The following CFAP54 variants were observed in gnomAD, a reference collection of about 807,000 sequenced individuals.
CFAP54 encodes the protein cilia and flagella associated protein 54.
In CFAP54, 290 loss-of-function variants were observed where a neutral mutation model predicts 370.4. The observed-to-expected ratio is 0.78, with a 90% CI of 0.71 to 0.86. The LOEUF is 0.86. Among genes scored for constraint, CFAP54 ranks in the 40% least tolerant of loss-of-function variants. CFAP54 has a pLI of 0.00. For synonymous variants in CFAP54, 1,206 were observed against 1,236.5 expected (o/e 0.98, Z 0.52); for missense variants, 3,399 against 3,528.7 (o/e 0.96, Z 0.93).
chr12:96,656,581 A>G (rs1164013799), intron 36 of CFAP54, among the ~76,000 whole-genome samples: 1 of 152,204 alleles, frequency 6.6e-6, no homozygotes, highest in Non-Finnish European at 1.5e-5. Flanking sequence ...GGGTTTCTCC[A>G]TGTTGGTCAG....
At chr12:96,560,278 C>T (rs920485524) in intron 17 of CFAP54, among the ~76,000 whole-genome samples, 12 of 152,122 alleles carry the variant, frequency 7.9e-5, no homozygotes, top group Non-Finnish European at 1.5e-4. Flanking sequence ...TCCCCCTACC[C>T]CCAATCCCTT....
chr12:96,494,813 G>A (rs999977985), intron 1 of CFAP54, among the ~76,000 whole-genome samples: 1 of 151,780 alleles, frequency 6.6e-6, no homozygotes, highest in African/African-American at 2.4e-5. Context: ...TGCAGCTTCC[G>A]CCTCCCGGAT....
At chr12:96,604,312 C>T (rs992890468) in intron 26 of CFAP54, among the ~76,000 whole-genome samples, 8 of 151,954 alleles carry the variant, frequency 5.3e-5, no homozygotes, top group South Asian at 2.1e-4. Context: ...GCTGCCTGAT[C>T]GTTCCTCTGG....
chr12:96,714,350 T>C (rs1272464749), intron 48 of CFAP54, among the ~76,000 whole-genome samples: 2 of 152,212 alleles, frequency 1.3e-5, no homozygotes, highest in Admixed American at 6.5e-5. Context: ...GTTTGAGATA[T>C]GATTCTGGAG....
intron 19 of CFAP54, among the ~76,000 whole-genome samples, chr12:96,572,233 A>G (rs1287377184): frequency 6.6e-6 from 1 of 152,186 alleles, no homozygotes; most frequent in Non-Finnish European, 1.5e-5. Context: ...CAGAGGTAAC[A>G]TATTATGTAA....
intron 8 of CFAP54, among the ~76,000 whole-genome samples, chr12:96,524,665 C>T (rs1034871280): frequency 6.6e-6 from 1 of 152,090 alleles, no homozygotes; most frequent in Non-Finnish European, 1.5e-5. Flanking sequence ...GCAAAATTTG[C>T]TGGGGGTCAG....
chr12:96,576,496 A>G (rs1955977270), intron 19 of CFAP54, 89 bp from the exon 20 acceptor site: 1 of 983,630 alleles, frequency 1.0e-6, no homozygotes, highest in Non-Finnish European at 1.4e-6. Context: ...ATAAAAATAT[A>G]ACATTGTTTA....
chr12:96,629,690 A>G (rs148775176), intron 30 of CFAP54, among the ~76,000 whole-genome samples: 4 of 152,138 alleles, frequency 2.6e-5, no homozygotes, highest in Admixed American at 6.5e-5. Flanking sequence ...CTAATTTTTT[A>G]TTATTATAAA....
chr12:96,777,005 C>T (rs1156263627), intron 60 of CFAP54, among the ~76,000 whole-genome samples: 2 of 152,128 alleles, frequency 1.3e-5, no homozygotes, highest in Non-Finnish European at 2.9e-5. Flanking sequence ...TGAATTTTAT[C>T]TTTGGCAGCA....
intron 65 of CFAP54, among the ~76,000 whole-genome samples, chr12:96,826,534 T>TTA (rs557579080): frequency 1.0e-5 from 1 of 99,034 alleles, no homozygotes; most frequent in Non-Finnish European, 1.8e-5. Flanking sequence ...ATATTATATA[T>TTA]TATATATATA....
At chr12:96,663,642 A>G (rs1026097914) in intron 38 of CFAP54, among the ~76,000 whole-genome samples, 188 bp from the exon 39 acceptor site, 1 of 152,204 alleles carries the variant, frequency 6.6e-6, no homozygotes, top group African/African-American at 2.4e-5. Context: ...AAGAAATATG[A>G]AAAATTATGG....
chr12:96,828,993 T>C lies in CFAP54; in HGVS notation c.9097-21T>C, dbSNP rs752064207. 7 of 1,326,014 alleles carry C rather than the reference T, an allele frequency of 5.3e-6. 1 individual carries two copies. The South Asian group carries it at 9.1e-5, about 17-fold the overall frequency. The allele number at this position is 1,326,014 out of a possible 1,614,324, so 82.1% of individuals were successfully genotyped here. A position where few individuals can be genotyped will look rare whatever the true frequency, so the allele number is the denominator to read the frequency against. On this transcript the variant is annotated intron_variant, in intron 65 of 67. Coordinates refer to ENST00000524981, the MANE Select transcript of CFAP54 (RefSeq NM_001306084.2). ...TTCTAATAATATCAACCTCACTGTA[T>C]TACTATCTTCTTATTTCTAGGACAT...
chr12:96,652,866 TA>T (rs1337842250), intron 36 of CFAP54, among the ~76,000 whole-genome samples: 4 of 152,166 alleles, frequency 2.6e-5, no homozygotes, highest in Middle Eastern at 3.2e-3. Context: ...CAAGATAATA[TA>T]AATCAAGGAG....
At chr12:96,738,621 T>A (rs367979684) in intron 50 of CFAP54, among the ~76,000 whole-genome samples, 1 of 98,190 alleles carries the variant, frequency 1.0e-5, no homozygotes, top group Non-Finnish European at 2.3e-5. Flanking sequence ...TTTTTTTTTT[T>A]TTTTTTTTGA....
chr12:96,768,689 CAAAACA>C (rs1209494585), intron 60 of CFAP54, among the ~76,000 whole-genome samples: 1 of 151,738 alleles, frequency 6.6e-6, no homozygotes, highest in Non-Finnish European at 1.5e-5. Flanking sequence ...TAAAACAAAA[CAAAACA>C]AAAACAAAAA....
At chr12:96,775,999 A>G (rs969735463) in intron 60 of CFAP54, among the ~76,000 whole-genome samples, 1 of 152,176 alleles carries the variant, frequency 6.6e-6, no homozygotes, top group African/African-American at 2.4e-5. Flanking sequence ...ATTTAAATGT[A>G]AATGTATTGA....
At chr12:96,516,324 C>G (rs1408723960) in intron 5 of CFAP54, among the ~76,000 whole-genome samples, 1 of 152,162 alleles carries the variant, frequency 6.6e-6, no homozygotes, top group Non-Finnish European at 1.5e-5. Context: ...CAGTGTCACT[C>G]TGTACCATTA....
chr12:96,656,384 GT>G (rs113583847), intron 36 of CFAP54, among the ~76,000 whole-genome samples: 1,922 of 148,634 alleles, frequency 0.013, 20 homozygotes, highest in Non-Finnish European at 0.019. Flanking sequence ...AGCTTTGTTG[GT>G]TTTTTTTTTG....
chr12:96,518,628 G>C (rs1368881973), intron 5 of CFAP54, among the ~76,000 whole-genome samples: 2 of 152,204 alleles, frequency 1.3e-5, no homozygotes, highest in Non-Finnish European at 2.9e-5. Context: ...GGAGGTTGCA[G>C]TAAGCTGCGA....
Sources: gnomAD v4.1 joint callset for allele counts (sites outside exome capture counted in the v4.1 genomes callset) on GRCh38, gnomAD v4.1.1 for gene constraint, MANE v1.5 for transcripts, NCBI Gene and HGNC (gene_info 2026-07-23, HGNC 2026-07-21) for gene names.